Variants in TRPM7 observed in about 807,000 individuals in gnomAD.
TRPM7 encodes the protein LTRPC ion channel family member 7.
In TRPM7, 134 loss-of-function variants were observed where a neutral mutation model predicts 229.7. The observed-to-expected ratio is 0.58, with a 90% CI of 0.51 to 0.67. TRPM7 has a LOEUF of 0.67. Among genes scored for constraint, TRPM7 ranks in the 30% least tolerant of loss-of-function variants. The probability of loss-of-function intolerance (pLI) is 0.00; values close to 1 mark genes in which losing one functional copy is unlikely to be tolerated. For missense variants in TRPM7, 1,901 were observed against 2,210.0 expected (o/e 0.86, Z 2.80); for synonymous variants, 699 against 715.2 (o/e 0.98, Z 0.36).
intron 23 of TRPM7, among the ~76,000 whole-genome samples, chr15:50,595,021 T>C (rs1282584514): frequency 1.3e-5 from 2 of 151,794 alleles, no homozygotes; most frequent in Non-Finnish European, 2.9e-5. Context: ...CTGGGCACCA[T>C]AGTGAGACCC....
chr15:50,635,057 C>G (rs1442340783), intron 7 of TRPM7, among the ~76,000 whole-genome samples: 2 of 152,004 alleles, frequency 1.3e-5, no homozygotes, highest in Admixed American at 1.3e-4. Flanking sequence ...GTGGCTCATG[C>G]CTGTAATCCC....
intron 12 of TRPM7, among the ~76,000 whole-genome samples, chr15:50,623,114 A>G (rs557111879): frequency 1.3e-5 from 2 of 151,944 alleles, no homozygotes; most frequent in African/African-American, 2.4e-5. Context: ...GCTTTTTTTT[A>G]AAAAAGTTTG....
chr15:50,620,384 T>G (rs1000469992), intron 12 of TRPM7, among the ~76,000 whole-genome samples: 1 of 152,146 alleles, frequency 6.6e-6, no homozygotes, highest in African/African-American at 2.4e-5. Context: ...CAATTTTTCT[T>G]CCAATGTGGC....
At chr15:50,648,078 T>C (rs11632292) in intron 4 of TRPM7, among the ~76,000 whole-genome samples, 22,386 of 152,194 alleles carry the variant, frequency 0.15, 2,224 homozygotes, top group Admixed American at 0.28. Context: ...GCCTGGCCTA[T>C]ATTAGATATT....
chr15:50,577,598 G>A (rs1361102476), intron 31 of TRPM7, among the ~76,000 whole-genome samples: 2 of 152,084 alleles, frequency 1.3e-5, no homozygotes, highest in Non-Finnish European at 2.9e-5. Context: ...TTGATGAGAA[G>A]CAAAACTACA....
At chr15:50,591,444 A>G (rs1275295481) in intron 26 of TRPM7, among the ~76,000 whole-genome samples, 1 of 152,030 alleles carries the variant, frequency 6.6e-6, no homozygotes. Context: ...ATGTGCCAAT[A>G]TAACTCTTAT....
At chr15:50,636,129 C>T (rs7183804) in intron 7 of TRPM7, among the ~76,000 whole-genome samples, 43 of 149,224 alleles carry the variant, frequency 2.9e-4, no homozygotes, top group African/African-American at 9.4e-4. Context: ...CAATAACTTG[C>T]GGTGCACAGA....
At chr15:50,674,220 C>CTCAA (rs2062048496) in intron 1 of TRPM7, among the ~76,000 whole-genome samples, 1 of 152,220 alleles carries the variant, frequency 6.6e-6, no homozygotes. Flanking sequence ...AACCCCTGAC[C>CTCAA]TCAAGTGATC....
At chr15:50,669,501 T>C (rs180864906) in intron 1 of TRPM7, among the ~76,000 whole-genome samples, 1 of 152,294 alleles carries the variant, frequency 6.6e-6, no homozygotes, top group African/African-American at 2.4e-5. Context: ...AGATTCCTTA[T>C]GGAACAGAGT....
intron 8 of TRPM7, 32 bp downstream of exon 8, chr15:50,634,348 AAT>A: frequency 3.6e-6 from 5 of 1,389,992 alleles, no homozygotes; most frequent in Non-Finnish European, 4.7e-6. Context: ...TAAATAAATA[AAT>A]AAAATTAATT....
At chr15:50,585,288 C>G (rs2054642530) in intron 28 of TRPM7, among the ~76,000 whole-genome samples, 1 of 152,166 alleles carries the variant, frequency 6.6e-6, no homozygotes, top group Non-Finnish European at 1.5e-5. Flanking sequence ...GTCTTGAACT[C>G]CTGACCTCAG....
At chr15:50,637,299 G>T in intron 7 of TRPM7, 123 bp downstream of exon 7, 1 of 862,326 alleles carries the variant, frequency 1.2e-6, no homozygotes, top group Non-Finnish European at 1.7e-6. Context: ...ACTGTTGGTT[G>T]TTTCATATGT....
chr15:50,621,114 C>T (rs1254488457), intron 12 of TRPM7, among the ~76,000 whole-genome samples: 2 of 142,468 alleles, frequency 1.4e-5, no homozygotes, highest in African/African-American at 2.6e-5. Flanking sequence ...GAGCCAAGAT[C>T]GCGCCACTGC....
At chr15:50,609,005 G>C (rs534715489) in intron 19 of TRPM7, among the ~76,000 whole-genome samples, 3 of 152,278 alleles carry the variant, frequency 2.0e-5, no homozygotes, top group South Asian at 2.1e-4. Flanking sequence ...TAACAGGTGA[G>C]TCCATCCTTG....
At position 50,614,189 on chromosome 15, in the gene TRPM7, G is replaced by A. The variant is rs1466657494; in HGVS notation, c.1569C>T (p.Thr523=). Residue 523 remains threonine, a synonymous_variant, in exon 14 of 39, where the codon ACC becomes ACT. Coordinates refer to ENST00000646667, the MANE Select transcript of TRPM7 (RefSeq NM_017672.6). The part of the protein sequence containing the change: ...GLVIEYLMGG[T]YRCTYTRKRF... ...GTTTCCTAGTATAGGTGCATCTGTA[G>A]GTTCCTCCCATGAGATATTCAATAA... The A allele has an allele frequency of 6.2e-7, 1 of 1,612,758 alleles. No individual in the cohort carries two copies. The highest frequency in any genetic ancestry group is 1.7e-5 in the Admixed American group (1 of 59,816).
intron 36 of TRPM7, among the ~76,000 whole-genome samples, chr15:50,572,032 A>C (rs1037825057): frequency 2.6e-5 from 4 of 152,258 alleles, no homozygotes; most frequent in African/African-American, 9.6e-5. Flanking sequence ...AGAGTGGCTC[A>C]TGCCCGTAAT....
At chr15:50,593,785 G>A (rs1454203553) in intron 24 of TRPM7, 36 bp from the exon 25 acceptor site, 10 of 1,574,310 alleles carry the variant, frequency 6.4e-6, no homozygotes, top group Non-Finnish European at 7.7e-6. Flanking sequence ...TCAAGGAAGA[G>A]CTATCAAGGT....
At chr15:50,563,638 G>C (rs1189095480) in intron 38 of TRPM7, among the ~76,000 whole-genome samples, 1 of 152,192 alleles carries the variant, frequency 6.6e-6, no homozygotes, top group Non-Finnish European at 1.5e-5. Context: ...TAATAAGATA[G>C]GGAAACAGAG....
chr15:50,679,522 ATATATATATATATATATT>A lies in TRPM7; in HGVS notation c.3+6991_3+7008del, dbSNP rs1567129325. 9.9e-4 allele frequency among the ~76,000 whole-genome samples: 23 copies of A among 23,308 alleles called. 1 individual carries two copies. The highest frequency in any genetic ancestry group is 3.0e-3 in the African/African-American group (22 of 7,332). The allele number at this position is 23,308 out of a possible 152,430, so 15.3% of individuals were successfully genotyped here. A position where few individuals can be genotyped will look rare whatever the true frequency, so the allele number is the denominator to read the frequency against. On this transcript the variant is annotated intron_variant, in intron 1 of 38. Transcript: ENST00000646667. Reference sequence around the variant, plus strand: ...ATGTGTATATATATAATATATATATATATATATATATATATATTTTTTTTTTTTTTTGAGACAGAGTCT... The same window carrying A: ...ATGTGTATATATATAATATATATATATTTTTTTTTTTTTGAGACAGAGTCT...
Sources: gnomAD v4.1 joint callset for allele counts (sites outside exome capture counted in the v4.1 genomes callset) on GRCh38, gnomAD v4.1.1 for gene constraint, MANE v1.5 for transcripts, NCBI Gene and HGNC (gene_info 2026-07-23, HGNC 2026-07-21) for gene names.